Variants in ADGRD2 observed in about 807,000 individuals in gnomAD.
The protein encoded by ADGRD2 is G protein-coupled receptor PGR24.
Under a neutral mutation model 44.4 loss-of-function variants are expected in ADGRD2, and 71 were observed. That is an observed-to-expected ratio of 1.60 (90% confidence interval 1.32 to 1.95). ADGRD2 has a LOEUF of 1.95. Ranked by LOEUF, ADGRD2 falls within the 30% of genes most tolerant of loss-of-function variation. The pLI, the probability that ADGRD2 is intolerant of heterozygous loss-of-function variation, is 0.00. For synonymous variants in ADGRD2, 481 were observed against 224.8 expected (o/e 2.14, Z -10.19); for missense variants, 1,039 against 512.4 (o/e 2.03, Z -9.92).
intron 6 of ADGRD2, 58 bp from the exon 10 acceptor site, chr9:124,456,564 G>T: frequency 1.4e-6 from 1 of 713,928 alleles, no homozygotes. Flanking sequence ...CAGCGCTCAG[G>T]GCAGGCGGCA....
rs1190644997 is a variant in ADGRD2, at chr9:124,468,153, G to C, written c.2198G>C (p.Gly733Ala). The stretch of plus-strand genomic sequence containing the variant: ...ACCTTCTCCCTGGCCTCTGCCGAGG[G>C]CTTCCTCATGACCAGCGAGTGGGCC... Residue 733 changes from glycine (G) to alanine (A), a missense_variant, in exon 13 of 22, where the codon GGC becomes GCC. Coordinates refer to ENST00000334810, the Ensembl canonical transcript of ADGRD2. 3 of 718,438 alleles carry C rather than the reference G, an allele frequency of 4.2e-6. No individual in the cohort carries two copies. The African/African-American group carries it at 5.2e-5, about 13-fold the overall frequency. 44.5% of individuals were successfully genotyped at this position (718,438 alleles called of 1,614,324 possible).
chr9:124,475,484 G>A, exon 18 of ADGRD2: 1 of 714,758 alleles, frequency 1.4e-6, no homozygotes, highest in Non-Finnish European at 2.6e-6. Flanking sequence ...CCTGCAATGA[G>A]GAGGTGAGTC....
At chr9:124,455,412 G>T (rs1042792698) in intron 6 of ADGRD2, among the ~76,000 whole-genome samples, 1 of 152,106 alleles carries the variant, frequency 6.6e-6, no homozygotes, top group South Asian at 2.1e-4. Context: ...CCAACATAAT[G>T]AAACCCTGTC....
At chr9:124,472,714 C>G (rs1340569103) in intron 17 of ADGRD2, among the ~76,000 whole-genome samples, 5 of 152,210 alleles carry the variant, frequency 3.3e-5, no homozygotes, top group South Asian at 2.1e-4. Flanking sequence ...CACCATGTTG[C>G]CCAGGTTGGT....
rs146505524 is a variant in ADGRD2, at chr9:124,468,477, G to A, written c.2234-42G>A. 1,513 of 717,348 alleles carry A rather than the reference G, an allele frequency of 2.1e-3. 13 individuals carry two copies. The African/African-American group carries it at 0.022, about 10-fold the overall frequency. 44.4% of individuals were successfully genotyped at this position (717,348 alleles called of 1,614,324 possible). A position where few individuals can be genotyped will look rare whatever the true frequency, so the allele number is the denominator to read the frequency against. On this transcript the variant is annotated intron_variant, in intron 13 of 21. Transcript: ENST00000334810. ...GGCCGCGGGGCTGGCCTGCACCTGC[G>A]TCTGACCTCGGACCTGGGTGGGGAT...
chr9:124,467,594 T>C, intron 11 of ADGRD2, 127 bp from the exon 15 acceptor site: 2 of 641,758 alleles, frequency 3.1e-6, no homozygotes, highest in South Asian at 1.8e-5. Context: ...GCCTGGGTCC[T>C]GCTGGCTGCT....
intron 14 of ADGRD2, among the ~76,000 whole-genome samples, 178 bp from the exon 18 acceptor site, chr9:124,469,044 C>A (rs917618311): frequency 5.9e-5 from 9 of 152,224 alleles, no homozygotes; most frequent in African/African-American, 2.2e-4. Flanking sequence ...TCCCAAACTA[C>A]TGTGGCTCCA....
At chr9:124,474,388 C>T (rs1053716056) in intron 17 of ADGRD2, among the ~76,000 whole-genome samples, 3 of 152,086 alleles carry the variant, frequency 2.0e-5, no homozygotes, top group Middle Eastern at 6.8e-3. Flanking sequence ...GGAAAGATGC[C>T]TTTGGGTGGT....
chr9:124,477,653 C>A (rs1382175791), intron 21 of ADGRD2, among the ~76,000 whole-genome samples: 1 of 152,220 alleles, frequency 6.6e-6, no homozygotes, highest in Non-Finnish European at 1.5e-5. Flanking sequence ...GCCGCGTGAA[C>A]CCGGGTTGTG....
chr9:124,453,799 G>T, intron 3 of ADGRD2, 123 bp downstream of exon 6: 1 of 606,072 alleles, frequency 1.6e-6, no homozygotes, highest in South Asian at 1.9e-5. Flanking sequence ...TCTCCAGGCC[G>T]CAGTGCCTGC....
intron 9 of ADGRD2, 28 bp downstream of exon 12, chr9:124,458,264 G>C (rs1246699284): frequency 8.4e-6 from 6 of 717,586 alleles, no homozygotes; most frequent in Non-Finnish European, 1.6e-5. Context: ...GGAGGGCTGT[G>C]AGGGCCTGTG....
intron 21 of ADGRD2, among the ~76,000 whole-genome samples, chr9:124,478,007 C>T (rs1477026528): frequency 2.0e-5 from 3 of 152,198 alleles, no homozygotes; most frequent in African/African-American, 4.8e-5. Context: ...GCTTCCAGCC[C>T]CGACCCCACC....
exon 3 of ADGRD2, chr9:124,453,393 T>C: frequency 1.7e-6 from 1 of 580,256 alleles, no homozygotes; most frequent in Non-Finnish European, 3.0e-6. Flanking sequence ...GGCGGCGCGC[T>C]GGGGCGCGGG....
chr9:124,454,425 C>T lies in ADGRD2; in HGVS notation c.1023-59C>T. On this transcript the variant is annotated intron_variant, in intron 4 of 21. Coordinates refer to ENST00000334810, the Ensembl canonical transcript of ADGRD2. This position sits in a 1 kb window ranked among gnomAD's most constrained non-coding sequence, Gnocchi z 4.5. Reference sequence around the variant, plus strand: ...TGGTGGGTGGAGGTCACTGAACAGGCTGGCATCTCTGGGCAGGGGTATTGC... The same window carrying T: ...TGGTGGGTGGAGGTCACTGAACAGGTTGGCATCTCTGGGCAGGGGTATTGC... 1 of 687,678 alleles carries T rather than the reference C, an allele frequency of 1.5e-6. No individual in the cohort carries two copies. 42.6% of individuals were successfully genotyped at this position (687,678 alleles called of 1,614,324 possible). A position where few individuals can be genotyped will look rare whatever the true frequency, so the allele number is the denominator to read the frequency against.
At chr9:124,457,747 T>A in intron 8 of ADGRD2, 141 bp downstream of exon 11, 1 of 553,674 alleles carries the variant, frequency 1.8e-6, no homozygotes, top group South Asian at 2.7e-5. Context: ...ACTTGCCTTG[T>A]GGCTTATGAG....
exon 14 of ADGRD2, chr9:124,468,648 C>T (rs762716045): frequency 1.3e-5 from 9 of 717,394 alleles, no homozygotes; most frequent in South Asian, 5.9e-5. Flanking sequence ...CCCAGGCATG[C>T]GGCTCTACCA....
At chr9:124,451,378 C>T (rs958987840), upstream of ADGRD2, 9 of 380,870 alleles carry the variant, frequency 2.4e-5, no homozygotes, top group African/African-American at 4.2e-5. Flanking sequence ...CTCTCCAGGG[C>T]GACAGTGTTT....
chr9:124,462,951 C>T (rs1379968460), intron 10 of ADGRD2, among the ~76,000 whole-genome samples: 1 of 151,058 alleles, frequency 6.6e-6, no homozygotes, highest in Non-Finnish European at 1.5e-5. Flanking sequence ...CTCTCTCCTT[C>T]CTTCCTTCAT....
chr9:124,452,673 G>C (rs755985872), exon 2 of ADGRD2: 1 of 717,228 alleles, frequency 1.4e-6, no homozygotes, highest in Non-Finnish European at 2.6e-6. Flanking sequence ...TGCGCGATCC[G>C]GTCTGGGTGG....
Sources: gnomAD v4.1 joint callset for allele counts (sites outside exome capture counted in the v4.1 genomes callset) on GRCh38, gnomAD v4.1.1 for gene constraint, Gnocchi (gnomAD v3.1) non-coding constraint, MANE v1.5 for transcripts, NCBI Gene and HGNC (gene_info 2026-07-23, HGNC 2026-07-21) for gene names.